The following CARM1 variants were observed in gnomAD, a reference collection of about 807,000 sequenced individuals.
The protein encoded by CARM1 is histone-arginine methyltransferase CARM1.
Under a neutral mutation model 72.7 loss-of-function variants are expected in CARM1, and 14 were observed. That is an observed-to-expected ratio of 0.19 (90% CI 0.13 to 0.30). The LOEUF (loss-of-function observed/expected upper bound fraction) is 0.30, where lower values mean the gene tolerates loss of function less well. CARM1 is among the 10% of genes least tolerant of loss of function. The pLI, the probability that CARM1 is intolerant of heterozygous loss-of-function variation, is 1.00. For missense variants in CARM1, 432 were observed against 833.7 expected (o/e 0.52, Z 5.93); for synonymous variants, 333 against 345.5 (o/e 0.96, Z 0.40).
chr19:10,915,121 G>C lies in CARM1; in HGVS notation c.847+1067G>C, dbSNP rs1368652227. On this transcript the variant is annotated intron_variant, in intron 6 of 15. Transcript: ENST00000327064. This position sits in a 1 kb window ranked among gnomAD's most constrained non-coding sequence, Gnocchi z 4.6. ...CCACTCTCATCTCTGGCCCGCCCTG[G>C]ATCCAGGCCCTAGGGTCCTGGCTGG... Among the ~76,000 whole-genome samples the C allele has an allele frequency of 2.0e-5, 3 of 152,166 alleles. No individual in the cohort carries two copies. Among genetic ancestry groups the C allele is most frequent in the Non-Finnish European group, 2.9e-5 (2 of 68,020 alleles).
intron 2 of CARM1, 25 bp from the exon 3 acceptor site, chr19:10,908,014 C>G (rs374435445): frequency 1.3e-6 from 2 of 1,530,326 alleles, no homozygotes; most frequent in East Asian, 4.5e-5. Context: ...GACCGCCCCC[C>G]GGTGACTTGG....
Position 10,871,750 on chromosome 19 carries a change from G to C in CARM1, c.48G>C (p.Gly16=). 2 of 1,078,684 alleles carry C rather than the reference G, an allele frequency of 1.9e-6. No homozygotes were observed. Among genetic ancestry groups the C allele is most frequent in the South Asian group, 8.7e-5 (2 of 22,986 alleles). The allele number at this position is 1,078,684 out of a possible 1,614,324, so 66.8% of individuals were successfully genotyped here. The part of the protein sequence containing the change: ...AAVGPGAGGA[G]SAVPGGAGPC... ...TGGGGCCGGGCGCGGGCGGCGCGGG[G>C]TCGGCGGTCCCGGGCGGCGCGGGGC... The change falls in exon 1 of 16, where the codon GGG becomes GGC. Residue 16 remains glycine, a synonymous_variant. Transcript: ENST00000327064. The surrounding 1 kb of genome is among the most constrained non-coding windows in gnomAD (Gnocchi z 5.6).
intron 1 of CARM1, among the ~76,000 whole-genome samples, chr19:10,902,743 G>T (rs1225161430): frequency 6.6e-6 from 1 of 151,790 alleles, no homozygotes; most frequent in South Asian, 2.1e-4. Flanking sequence ...CAAGTAATTG[G>T]GACTACAGGC....
chr19:10,886,846 G>C (rs2073946069), intron 1 of CARM1, among the ~76,000 whole-genome samples: 1 of 152,156 alleles, frequency 6.6e-6, no homozygotes, highest in African/African-American at 2.4e-5. Context: ...AAAAAAATGG[G>C]GTCTCAATAT....
At chr19:10,919,724 G>T in intron 9 of CARM1, 44 bp downstream of exon 9, 1 of 1,565,018 alleles carries the variant, frequency 6.4e-7, no homozygotes, top group South Asian at 1.1e-5. Flanking sequence ...GGCTCAGGCC[G>T]AAGGTCAGGG....
chr19:10,909,058 TCGTGCCACCATGTGCCC>T, intron 3 of CARM1, 28 bp from the exon 4 acceptor site: 1 of 1,472,846 alleles, frequency 6.8e-7, no homozygotes, highest in East Asian at 2.3e-5. Flanking sequence ...CTTGGCTGCC[TCGTGCCACCATGTGCCC>T]CGTGCCATCG....
chr19:10,874,381 AT>A (rs561096438), intron 1 of CARM1, among the ~76,000 whole-genome samples: 103 of 148,104 alleles, frequency 7.0e-4, no homozygotes, highest in Middle Eastern at 3.4e-3. Context: ...TTTCTTTTTT[AT>A]TTTTTTTATT....
chr19:10,887,378 C>T (rs2073949633), intron 1 of CARM1, among the ~76,000 whole-genome samples: 1 of 152,220 alleles, frequency 6.6e-6, no homozygotes. Flanking sequence ...TGTCTGCCCC[C>T]TTCGCCTGTG....
Position 10,871,805 on chromosome 19 carries a change from G to T in CARM1, c.103G>T (p.Ala35Ser), listed in dbSNP as rs1297919893. 1 of 1,246,566 alleles carries T rather than the reference G, an allele frequency of 8.0e-7. No individual in the cohort carries two copies. Among genetic ancestry groups the T allele is most frequent in the Admixed American group, 3.7e-5 (1 of 26,942 alleles). 77.2% of individuals were successfully genotyped at this position (1,246,566 alleles called of 1,614,324 possible). A position where few individuals can be genotyped will look rare whatever the true frequency, so the allele number is the denominator to read the frequency against. The change falls in exon 1 of 16, where the codon GCC becomes TCC. Residue 35 changes from alanine (A) to serine (S), a missense_variant. By Grantham distance (99) the Ala-to-Ser change is moderately conservative. Transcript: ENST00000327064. This position sits in a 1 kb window ranked among gnomAD's most constrained non-coding sequence, Gnocchi z 5.6. ...CGCTACCGTGTCGGTGTTCCCCGGC[G>T]CCCGCCTCCTCACCATCGGCGACGC... ...PCATVSVFPG[A>S]RLLTIGDANG...
rs971971085 is a variant in CARM1, at chr19:10,920,792, G to A, written c.1425-42G>A. On this transcript the variant is annotated intron_variant, in intron 12 of 15. Transcript: ENST00000327064. The surrounding 1 kb of genome is among the most constrained non-coding windows in gnomAD (Gnocchi z 5.3). ...CTGCACAGGGGGGCGCCCCGGCCCT[G>A]CAACCCCCTTGCCCCTGCCCATGGC... is the stretch of plus-strand genomic sequence containing the variant. The A allele has an allele frequency of 6.2e-6, 10 of 1,613,564 alleles. No individual in the cohort carries two copies. Among genetic ancestry groups the A allele is most frequent in the African/African-American group, 1.3e-5 (1 of 74,924 alleles).
chr19:10,922,966 GC>G lies in CARM1; in HGVS notation c.*1213del. 1 of 223,082 alleles carries G rather than the reference GC, an allele frequency of 4.5e-6. No individual in the cohort carries two copies. Among genetic ancestry groups the G allele is most frequent in the East Asian group, 1.4e-4 (1 of 6,944 alleles). 13.8% of individuals were successfully genotyped at this position (223,082 alleles called of 1,614,324 possible). ...CAGGTGGCCCGGGGGGGATATGGGG[GC>G]CCCAGCCCTGTCCCAAAGCTCCCTG... On this transcript the variant is annotated 3_prime_UTR_variant, in exon 16 of 16. Coordinates refer to ENST00000327064, the MANE Select transcript of CARM1 (RefSeq NM_199141.2).
intron 9 of CARM1, 38 bp downstream of exon 9, chr19:10,919,718 C>A: frequency 6.3e-7 from 1 of 1,585,306 alleles, no homozygotes; most frequent in South Asian, 1.1e-5. Context: ...AGGCCTGGCT[C>A]AGGCCGAAGG....
chr19:10,908,180 C>A (rs974785222), intron 3 of CARM1, 35 bp downstream of exon 3: 2 of 1,384,218 alleles, frequency 1.4e-6, no homozygotes, highest in South Asian at 2.3e-5. Context: ...GGCCGCCTCC[C>A]CCCGGCAGCC....
Position 10,922,491 on chromosome 19 carries a change from G to C in CARM1, c.*734G>C, listed in dbSNP as rs2074273353. 8.7e-6 allele frequency: 1 copy of C among 115,482 alleles called. No homozygotes were observed. Among genetic ancestry groups the C allele is most frequent in the Non-Finnish European group, 1.6e-5 (1 of 61,546 alleles). 7.2% of individuals were successfully genotyped at this position (115,482 alleles called of 1,614,324 possible). On this transcript the variant is annotated 3_prime_UTR_variant, in exon 16 of 16. Coordinates refer to ENST00000327064, the MANE Select transcript of CARM1 (RefSeq NM_199141.2). ...CCCCCGCCCCCCCACTCAAGAGTTA[G>C]AGCAGGTGGCTGCAGGCCTTGGGCC... is the stretch of plus-strand genomic sequence containing the variant.
Position 10,920,608 on chromosome 19 carries a change from A to T in CARM1, c.1334+35A>T. The stretch of plus-strand genomic sequence containing the variant: ...CTCCCTGGGGCTGGTGGTGGTGGGC[A>T]GGGGTCCATCTGCCCAGCAGCTCAT... On this transcript the variant is annotated intron_variant, in intron 11 of 15. Transcript: ENST00000327064. The surrounding 1 kb of genome is among the most constrained non-coding windows in gnomAD (Gnocchi z 5.3). 6.2e-7 allele frequency: 1 copy of T among 1,613,988 alleles called. No homozygotes were observed. Among genetic ancestry groups the T allele is most frequent in the South Asian group, 1.1e-5 (1 of 91,088 alleles).
intron 1 of CARM1, among the ~76,000 whole-genome samples, chr19:10,883,178 C>T (rs1404102997): frequency 6.6e-6 from 1 of 152,164 alleles, no homozygotes; most frequent in Non-Finnish European, 1.5e-5. Context: ...CCAGTTTCCT[C>T]CCATTAAATG....
chr19:10,907,941 G>A, intron 2 of CARM1, 98 bp from the exon 3 acceptor site: 1 of 734,922 alleles, frequency 1.4e-6, no homozygotes, highest in Non-Finnish European at 2.4e-6. Context: ...GTTCAAGGGA[G>A]AAACGTCAGG....
intron 1 of CARM1, among the ~76,000 whole-genome samples, chr19:10,883,882 G>C (rs1342162086): frequency 6.6e-6 from 1 of 152,048 alleles, no homozygotes; most frequent in Non-Finnish European, 1.5e-5. Context: ...GCTGGGCGCG[G>C]TGGTGTGCGC....
At chr19:10,895,499 C>T (rs988992819) in intron 1 of CARM1, among the ~76,000 whole-genome samples, 2 of 152,228 alleles carry the variant, frequency 1.3e-5, no homozygotes, top group African/African-American at 4.8e-5. Context: ...CCGTTGCTTT[C>T]TGGAAGCAAG....
Sources: allele counts gnomAD v4.1 joint callset (sites outside exome capture counted in the v4.1 genomes callset), GRCh38; gene constraint gnomAD v4.1.1; non-coding constraint Gnocchi (gnomAD v3.1); transcripts MANE v1.5; gene names NCBI Gene and HGNC (gene_info 2026-07-23, HGNC 2026-07-21).